The following SCARA3 variants were observed in gnomAD, a reference collection of about 807,000 sequenced individuals.
SCARA3 encodes cellular stress response gene protein.
In SCARA3, 39 loss-of-function variants were observed where a neutral mutation model predicts 47.0. The ratio of observed to expected loss-of-function variants is 0.83; its 90% CI spans 0.64 to 1.08. The LOEUF (loss-of-function observed/expected upper bound fraction) is 1.08. Among genes scored for constraint, SCARA3 ranks in the 50% least tolerant of loss-of-function variants. The pLI, the probability that SCARA3 is intolerant of heterozygous loss-of-function variation, is 0.00. For missense variants in SCARA3, 724 were observed against 792.3 expected (o/e 0.91, Z 1.04); for synonymous variants, 356 against 334.1 (o/e 1.07, Z -0.71).
rs529417375 is a variant in SCARA3 at position 27,650,332 on chromosome 8, G to A, written c.106+532G>A. On this transcript the variant is annotated intron_variant, in intron 2 of 5. Transcript: ENST00000301904. ...TTGACACAAGTGCCACCTGTCTCCT[G>A]GGGTCCTCCCGAGACCCATCAGGGA... Among the ~76,000 whole-genome samples, 219 of 152,130 alleles carry A rather than the reference G, an allele frequency of 1.4e-3. 2 individuals carry two copies. Among genetic ancestry groups the A allele is most frequent in the African/African-American group, 5.2e-3 (216 of 41,484 alleles).
the SCARA3 span, among the ~76,000 whole-genome samples, chr8:27,729,194 G>A: frequency 2.6e-5 from 4 of 152,182 alleles, no homozygotes; most frequent in Non-Finnish European, 5.9e-5. Context: ...GGAGAAACAA[G>A]CAACTTCCTT....
chr8:27,671,649 C>T lies in SCARA3; in HGVS notation c.*298C>T, dbSNP rs35590810. 20 of 1,112,048 alleles carry T rather than the reference C, an allele frequency of 1.8e-5. No homozygotes were observed. The South Asian group carries it at 7.7e-4, about 43-fold the overall frequency. The allele number at this position is 1,112,048 out of a possible 1,614,324, so 68.9% of individuals were successfully genotyped here. A position where few individuals can be genotyped will look rare whatever the true frequency, so the allele number is the denominator to read the frequency against. On this transcript the variant is annotated 3_prime_UTR_variant, in exon 6 of 6. Transcript: ENST00000301904. ...ACACAGGCATACATGCATGCACACA[C>T]ACATGCACGCACACACACATGCACA... is the stretch of plus-strand genomic sequence containing the variant.
At chr8:27,655,750 A>C (rs1801729920) in intron 3 of SCARA3, among the ~76,000 whole-genome samples, 1 of 152,196 alleles carries the variant, frequency 6.6e-6, no homozygotes, top group South Asian at 2.1e-4. Flanking sequence ...AAGTGTCCTC[A>C]ACAGTAGGAG....
chr8:27,670,951 A>C lies in SCARA3; in HGVS notation c.1421A>C (p.Lys474Thr). 6.3e-7 allele frequency: 1 copy of C among 1,591,234 alleles called. No individual in the cohort carries two copies. The highest frequency in any genetic ancestry group is 8.5e-7 in the Non-Finnish European group (1 of 1,173,062). ...GGATTCAAAGGAGATATGGGCGTGA[A>C]AGGGCCTGTTGGCGGCAGAGGCCCG... ...PRGFKGDMGV[K>T]GPVGGRGPKG... The change falls in exon 6 of 6, where the codon AAA (lysine) becomes ACA (threonine). Residue 474 changes from lysine to threonine, a missense_variant. By Grantham distance (78) the Lys-to-Thr change is moderately conservative (BLOSUM62 -1). Coordinates refer to ENST00000301904, the MANE Select transcript of SCARA3 (RefSeq NM_016240.3).
At position 27,671,170 on chromosome 8, in the gene SCARA3, G is replaced by A. The variant is rs1802144261; in HGVS notation, c.1640G>A (p.Gly547Glu). The change falls in exon 6 of 6, where the codon GGG becomes GAG. Residue 547 changes from glycine (G) to glutamate (E), a missense_variant. By Grantham distance (98) the Gly-to-Glu change is moderately conservative. Coordinates refer to ENST00000301904, the MANE Select transcript of SCARA3 (RefSeq NM_016240.3). ...CCAAAAGGGGACATAGGGCCCCCAG[G>A]GCCAGAAGGGCCCCCGGGGTCTCCA... Reference protein sequence around the residue: ...PGPKGDIGPPGPEGPPGSPGP... With the variant: ...PGPKGDIGPPEPEGPPGSPGP... The A allele has an allele frequency of 2.0e-6, 3 of 1,524,576 alleles. No individual in the cohort carries two copies. Among genetic ancestry groups the A allele is most frequent in the Non-Finnish European group, 2.6e-6 (3 of 1,140,194 alleles). The allele number at this position is 1,524,576 out of a possible 1,614,324, so 94.4% of individuals were successfully genotyped here.
the SCARA3 span, among the ~76,000 whole-genome samples, chr8:27,700,291 T>TA: frequency 6.6e-6 from 1 of 152,066 alleles, no homozygotes; most frequent in Non-Finnish European, 1.5e-5. Flanking sequence ...TCAGGATACA[T>TA]AAAGAACTCA....
chr8:27,664,545 A>G (rs1801976601), intron 5 of SCARA3, among the ~76,000 whole-genome samples: 1 of 152,190 alleles, frequency 6.6e-6, no homozygotes, highest in Non-Finnish European at 1.5e-5. Flanking sequence ...TGCCCAGAGA[A>G]TGAGTTTGTA....
Position 27,671,898 on chromosome 8 carries a change from G to A in SCARA3, c.*547G>A. 1.0e-6 allele frequency: 1 copy of A among 985,482 alleles called. No individual in the cohort carries two copies. Among genetic ancestry groups the A allele is most frequent in the Non-Finnish European group, 1.2e-6 (1 of 829,958 alleles). 61.0% of individuals were successfully genotyped at this position (985,482 alleles called of 1,614,324 possible). A position where few individuals can be genotyped will look rare whatever the true frequency, so the allele number is the denominator to read the frequency against. The stretch of plus-strand genomic sequence containing the variant: ...GGCTGGGCAGGAGGAGAGGGCAGAG[G>A]AAGACCCCCTCTCCTGTGACTGAGC... On this transcript the variant is annotated 3_prime_UTR_variant, in exon 6 of 6. Transcript: ENST00000301904.
the SCARA3 span, among the ~76,000 whole-genome samples, chr8:27,710,903 C>T: frequency 6.8e-6 from 1 of 146,366 alleles, no homozygotes; most frequent in Admixed American, 6.9e-5. Flanking sequence ...GAGCAAGAAT[C>T]TCTCATAGGT....
the SCARA3 span, among the ~76,000 whole-genome samples, chr8:27,689,223 C>G: frequency 1.3e-5 from 2 of 152,132 alleles, no homozygotes; most frequent in African/African-American, 4.8e-5. Context: ...GGAAATGGAG[C>G]CACTCTCTGG....
chr8:27,683,641 C>G, the SCARA3 span, among the ~76,000 whole-genome samples: 1 of 152,148 alleles, frequency 6.6e-6, no homozygotes, highest in South Asian at 2.1e-4. Context: ...CATTTCCACT[C>G]CTAGGTATTT....
chr8:27,730,294 C>G, the SCARA3 span, among the ~76,000 whole-genome samples: 1 of 152,148 alleles, frequency 6.6e-6, no homozygotes, highest in Non-Finnish European at 1.5e-5. Context: ...GTCTTCATTT[C>G]TCAACTCATT....
Position 27,658,949 on chromosome 8 carries a change from G to T in SCARA3, c.779G>T (p.Arg260Leu). ...GTCACCGACTGGCAGAACTACACAC[G>T]GCTCTTCAGCGGCCTGCGCACCACC... ...KIVTDWQNYT[R>L]LFSGLRTTST... Residue 260 changes from arginine (R) to leucine (L), a missense_variant, in exon 5 of 6, where the codon CGG (arginine) becomes CTG (leucine). Coordinates refer to ENST00000301904, the MANE Select transcript of SCARA3 (RefSeq NM_016240.3). 6.2e-7 allele frequency: 1 copy of T among 1,614,070 alleles called. No homozygotes were observed. The highest frequency in any genetic ancestry group is 8.5e-7 in the Non-Finnish European group (1 of 1,179,994).
At chr8:27,655,989 G>A (rs1801736003) in intron 3 of SCARA3, among the ~76,000 whole-genome samples, 2 of 152,250 alleles carry the variant, frequency 1.3e-5, no homozygotes, top group East Asian at 1.9e-4. Flanking sequence ...TAGGTCAATC[G>A]GCAACATCAT....
chr8:27,681,318 CTA>C (rs1802351026), downstream of SCARA3, among the ~76,000 whole-genome samples: 1 of 125,504 alleles, frequency 8.0e-6, no homozygotes, highest in Admixed American at 9.3e-5. Context: ...AATTGTATCT[CTA>C]TATACTAGCT....
chr8:27,688,860 T>G, the SCARA3 span, among the ~76,000 whole-genome samples: 2 of 152,202 alleles, frequency 1.3e-5, no homozygotes, highest in Non-Finnish European at 2.9e-5. Flanking sequence ...CAATATTTTA[T>G]TTCTTGACCT....
At chr8:27,725,564 A>G in the SCARA3 span, among the ~76,000 whole-genome samples, 21 of 151,924 alleles carry the variant, frequency 1.4e-4, no homozygotes, top group East Asian at 4.1e-3. Flanking sequence ...TAATCAATAC[A>G]AAGTGCAGAA....
chr8:27,705,087 G>T, the SCARA3 span, among the ~76,000 whole-genome samples: 2 of 152,182 alleles, frequency 1.3e-5, no homozygotes, highest in African/African-American at 4.8e-5. Flanking sequence ...GTACCAAAAT[G>T]CTGCCTCCCT....
chr8:27,653,971 G>A (rs1801689706), intron 3 of SCARA3, among the ~76,000 whole-genome samples: 1 of 152,140 alleles, frequency 6.6e-6, no homozygotes, highest in Non-Finnish European at 1.5e-5. Context: ...GTAAATGAAT[G>A]GGGGTGGCAA....
Sources: gnomAD v4.1 joint callset for allele counts (sites outside exome capture counted in the v4.1 genomes callset) on GRCh38, gnomAD v4.1.1 for gene constraint, MANE v1.5 for transcripts, NCBI Gene and HGNC (gene_info 2026-07-23, HGNC 2026-07-21) for gene names.